JMJD7: variants seen among roughly 807,000 people sequenced by gnomAD.
JMJD7 encodes bifunctional peptidase and (3S)-lysyl hydroxylase JMJD7.
Under a neutral mutation model 41.1 loss-of-function variants are expected in JMJD7, and 41 were observed. That is an observed-to-expected ratio of 1.00 (90% confidence interval 0.78 to 1.30). The LOEUF (loss-of-function observed/expected upper bound fraction) is 1.30. JMJD7 is among the 50% of genes most tolerant of loss of function. JMJD7 has a pLI of 0.00. For missense variants in JMJD7, 480 were observed against 420.7 expected, an observed-to-expected ratio of 1.14 and a Z score of -1.23; for synonymous variants, 202 against 177.2, an observed-to-expected ratio of 1.14 and a Z score of -1.11.
Position 41,836,145 on chromosome 15 carries a change from C to A in JMJD7, c.530-3C>A, listed in dbSNP as rs771089567. 8.8e-6 allele frequency: 14 copies of A among 1,588,880 alleles called. No homozygotes were observed. The highest frequency in any genetic ancestry group is 9.4e-6 in the Non-Finnish European group (11 of 1,166,404). ...TGCCCCCGGGCCTTCTTTCTGTTGG[C>A]AGTGCACAAGGACCACTATGAGAAC... On this transcript the variant is annotated splice_polypyrimidine_tract_variant and splice_region_variant and intron_variant, in intron 4 of 7. Coordinates refer to ENST00000397299, the MANE Select transcript of JMJD7 (RefSeq NM_001114632.2).
intron 4 of JMJD7, 107 bp from the exon 5 acceptor site, chr15:41,836,041 T>A: frequency 8.0e-7 from 1 of 1,249,420 alleles, no homozygotes; most frequent in Non-Finnish European, 1.1e-6. Flanking sequence ...CGTGCTTCTC[T>A]TTTGTCATAG....
Position 41,828,157 on chromosome 15 carries a change from C to T in JMJD7, c.33C>T (p.Ser11=), listed in dbSNP as rs1374941628. The T allele has an allele frequency of 9.4e-6, 14 of 1,487,582 alleles. No individual in the cohort carries two copies. Among genetic ancestry groups the T allele is most frequent in the East Asian group, 5.5e-5 (2 of 36,480 alleles). The allele number at this position is 1,487,582 out of a possible 1,614,324, so 92.1% of individuals were successfully genotyped here. ...AGGCGGCTTTGGAAGCCGTGCGGAG[C>T]GAGTTACGAGAATTCCCGGCCGCTG... The part of the protein sequence containing the change: MAEAALEAVR[S]ELREFPAAAR... Residue 11 remains serine (S), a synonymous_variant, in exon 1 of 8, where the codon AGC becomes AGT. Coordinates refer to ENST00000397299, the MANE Select transcript of JMJD7 (RefSeq NM_001114632.2).
chr15:41,832,988 G>A (rs2065250899), intron 1 of JMJD7, among the ~76,000 whole-genome samples: 1 of 152,226 alleles, frequency 6.6e-6, no homozygotes, highest in Non-Finnish European at 1.5e-5. Context: ...GGGCAGGCAC[G>A]AGACAGGAAA....
chr15:41,829,806 G>A (rs185897699), intron 1 of JMJD7, among the ~76,000 whole-genome samples: 5 of 152,244 alleles, frequency 3.3e-5, no homozygotes, highest in African/African-American at 4.8e-5. Context: ...CAGTACTCAC[G>A]CCTGTAATCC....
intron 1 of JMJD7, among the ~76,000 whole-genome samples, chr15:41,833,414 A>ATTTTTTTTTTTT (rs67111164): frequency 1.9e-4 from 6 of 32,010 alleles, no homozygotes; most frequent in Non-Finnish European, 2.4e-4. Flanking sequence ...ATATATATAT[A>ATTTTTTTTTTTT]TTTTTTTTTT....
chr15:41,837,109 T>G lies in JMJD7; in HGVS notation c.904T>G (p.Tyr302Asp), dbSNP rs759724075. 6.2e-7 allele frequency: 1 copy of G among 1,613,614 alleles called. No homozygotes were observed. The highest frequency in any genetic ancestry group is 1.3e-5 in the African/African-American group (1 of 74,934). ...CATGGAATACGACCTCAAGTATAGT[T>G]ACTTCCAGCTGCTCGACTCCCTCAC... ...YDMEYDLKYS[Y>D]FQLLDSLTKA... Residue 302 changes from tyrosine (Y) to aspartate (D), a missense_variant, in exon 8 of 8, where the codon TAC becomes GAC. Tyr to Asp is a radical substitution (Grantham distance 160). Coordinates refer to ENST00000397299, the MANE Select transcript of JMJD7 (RefSeq NM_001114632.2).
chr15:41,831,097 C>T (rs1264096953), intron 1 of JMJD7, among the ~76,000 whole-genome samples: 2 of 152,208 alleles, frequency 1.3e-5, no homozygotes, highest in Non-Finnish European at 2.9e-5. Context: ...CCGGCCCACC[C>T]ATGGCTGCCC....
At chr15:41,828,347 C>A in intron 1 of JMJD7, 159 bp downstream of exon 1, 1 of 859,560 alleles carries the variant, frequency 1.2e-6, no homozygotes, top group Non-Finnish European at 1.6e-6. Flanking sequence ...CCCGTGTTCG[C>A]GCGCTCCCGC....
chr15:41,832,152 G>A (rs942500282), intron 1 of JMJD7, among the ~76,000 whole-genome samples: 1 of 152,186 alleles, frequency 6.6e-6, no homozygotes, highest in South Asian at 2.1e-4. Context: ...CTGCCCCACC[G>A]CAGCCCACAT....
chr15:41,828,484 G>C (rs973788739), intron 1 of JMJD7: 30 of 319,226 alleles, frequency 9.4e-5, no homozygotes, highest in African/African-American at 4.5e-4. Flanking sequence ...AAAGCTCATC[G>C]AAGGCACACA....
intron 1 of JMJD7, 109 bp from the exon 2 acceptor site, chr15:41,834,631 G>A: frequency 6.7e-7 from 1 of 1,492,786 alleles, no homozygotes; most frequent in Non-Finnish European, 9.0e-7. Flanking sequence ...TCACCAACGA[G>A]CATTTCCCAG....
intron 4 of JMJD7, 60 bp downstream of exon 4, chr15:41,835,704 A>G (rs918803266): frequency 9.5e-6 from 15 of 1,576,274 alleles, no homozygotes; most frequent in South Asian, 4.6e-5. Flanking sequence ...GGGAGGGAAG[A>G]CGAGGCCAGG....
At chr15:41,828,481 ATCGAAGGCACACAGCTGGTGG>A (rs1430160859) in intron 1 of JMJD7, 10 of 323,932 alleles carry the variant, frequency 3.1e-5, no homozygotes, top group Non-Finnish European at 5.6e-5. Context: ...TTGAAAGCTC[ATCGAAGGCACACAGCTGGTGG>A]TCGGATTCCT....
chr15:41,829,266 T>A (rs1327285250), intron 1 of JMJD7: 1 of 152,300 alleles, frequency 6.6e-6, no homozygotes, highest in Admixed American at 6.5e-5. Context: ...GAAGCCAGTC[T>A]GCAGGAGCAG....
rs767269899 is a variant in JMJD7 at position 41,837,216 on chromosome 15, C to G, written c.*60C>G. 90 of 1,228,988 alleles carry G rather than the reference C, an allele frequency of 7.3e-5. No homozygotes were observed. The highest frequency in any genetic ancestry group is 1.0e-4 in the Non-Finnish European group (86 of 850,982). The allele number at this position is 1,228,988 out of a possible 1,614,324, so 76.1% of individuals were successfully genotyped here. A position where few individuals can be genotyped will look rare whatever the true frequency, so the allele number is the denominator to read the frequency against. ...GGGGACGGAGCCAGCCCCTCCCTGG[C>G]CAGGTCAATTCTCGAGAGAGCCTGG... On this transcript the variant is annotated 3_prime_UTR_variant, in exon 8 of 8. Coordinates refer to ENST00000397299, the MANE Select transcript of JMJD7 (RefSeq NM_001114632.2).
At chr15:41,833,415 T>TATATATA (rs1555457127) in intron 1 of JMJD7, among the ~76,000 whole-genome samples, 32 of 23,302 alleles carry the variant, frequency 1.4e-3, no homozygotes, top group African/African-American at 4.1e-3. Context: ...TATATATATA[T>TATATATA]TTTTTTTTTT....
At chr15:41,835,996 A>G in intron 4 of JMJD7, 152 bp from the exon 5 acceptor site, 1 of 771,810 alleles carries the variant, frequency 1.3e-6, no homozygotes, top group South Asian at 2.2e-5. Flanking sequence ...AATGCCCATC[A>G]GAGCCCCTGG....
chr15:41,836,134 C>T lies in JMJD7; in HGVS notation c.530-14C>T. 2 of 1,578,808 alleles carry T rather than the reference C, an allele frequency of 1.3e-6. No homozygotes were observed. Among genetic ancestry groups the T allele is most frequent in the South Asian group, 2.3e-5 (2 of 86,576 alleles). On this transcript the variant is annotated splice_polypyrimidine_tract_variant and intron_variant, in intron 4 of 7. Coordinates refer to ENST00000397299, the MANE Select transcript of JMJD7 (RefSeq NM_001114632.2). ...CCTCCATACCCTGCCCCCGGGCCTT[C>T]TTTCTGTTGGCAGTGCACAAGGACC...
intron 6 of JMJD7, 88 bp from the exon 7 acceptor site, chr15:41,836,693 G>C: frequency 6.7e-7 from 1 of 1,489,766 alleles, no homozygotes; most frequent in Non-Finnish European, 9.0e-7. Context: ...AGCCAAGCAG[G>C]GCCTGTGGTG....
Sources: gnomAD v4.1 joint callset for allele counts (sites outside exome capture counted in the v4.1 genomes callset) on GRCh38, gnomAD v4.1.1 for gene constraint, MANE v1.5 for transcripts, NCBI Gene and HGNC (gene_info 2026-07-23, HGNC 2026-07-21) for gene names.